ODF2: variants seen among roughly 807,000 people sequenced by gnomAD.
ODF2 encodes outer dense fiber of sperm tails 2.
Under a neutral mutation model 110.2 loss-of-function variants are expected in ODF2, and 47 were observed. The observed-to-expected ratio is 0.43, with a 90% CI of 0.34 to 0.54. ODF2 has a LOEUF of 0.54. Among genes scored for constraint, ODF2 ranks in the 20% least tolerant of loss-of-function variants. ODF2 has a pLI of 0.03. For synonymous variants in ODF2, 352 were observed against 397.7 expected (o/e 0.89, Z 1.37); for missense variants, 812 against 1,054.5 (o/e 0.77, Z 3.19).
intron 8 of ODF2, among the ~76,000 whole-genome samples, chr9:128,480,003 T>C (rs1231396082): frequency 2.0e-5 from 3 of 152,136 alleles, no homozygotes; most frequent in Non-Finnish European, 2.9e-5. Context: ...ACACCTGTGG[T>C]CCCAGCTACT....
At chr9:128,473,566 C>T in intron 7 of ODF2, 44 bp from the exon 8 acceptor site, 2 of 1,608,654 alleles carry the variant, frequency 1.2e-6, no homozygotes, top group Non-Finnish European at 1.7e-6. Flanking sequence ...CCTGCTTCTT[C>T]CCTTCTCCCC....
Position 128,485,401 on chromosome 9 carries a change from T to A in ODF2, c.1327T>A (p.Ser443Thr). 6.2e-7 allele frequency: 1 copy of A among 1,611,660 alleles called. No individual in the cohort carries two copies. The highest frequency in any genetic ancestry group is 1.1e-5 in the South Asian group (1 of 90,916). ...CGCTGAAGCTTTATCCACTCTGGAATCCTGGAGGAGCCGCTACAACCAAGT... is the reference window on the plus strand; with the variant it reads ...CGCTGAAGCTTTATCCACTCTGGAAACCTGGAGGAGCCGCTACAACCAAGT... Residue 443 changes from serine (S) to threonine (T), a missense_variant, in exon 13 of 21, where the codon TCC becomes ACC. Transcript: ENST00000604420. This position sits in a 1 kb window ranked among gnomAD's most constrained non-coding sequence, Gnocchi z 5.0.
At chr9:128,481,059 T>G (rs1842303685) in intron 8 of ODF2, among the ~76,000 whole-genome samples, 1 of 152,120 alleles carries the variant, frequency 6.6e-6, no homozygotes, top group Non-Finnish European at 1.5e-5. Context: ...GGAAGGATAC[T>G]CCTCAAACTA....
At chr9:128,495,272 C>T (rs2132275730) in intron 17 of ODF2, among the ~76,000 whole-genome samples, 1 of 152,342 alleles carries the variant, frequency 6.6e-6, no homozygotes, top group South Asian at 2.1e-4. Flanking sequence ...TTTTGAGCAC[C>T]TCTTCTGTGT....
At chr9:128,490,229 G>A (rs1480275650) in intron 14 of ODF2, among the ~76,000 whole-genome samples, 1 of 152,062 alleles carries the variant, frequency 6.6e-6, no homozygotes, top group East Asian at 1.9e-4. Context: ...CATCTGTATA[G>A]TGTATTACAG....
At chr9:128,499,173 A>G in intron 20 of ODF2, 47 bp downstream of exon 20, 2 of 1,610,804 alleles carry the variant, frequency 1.2e-6, no homozygotes, top group Non-Finnish European at 1.7e-6. Flanking sequence ...CAGCAGACCT[A>G]GCTTCTGTGG....
intron 11 of ODF2, 22 bp from the exon 12 acceptor site, chr9:128,484,679 T>G (rs895705793): frequency 6.4e-7 from 1 of 1,552,214 alleles, no homozygotes; most frequent in Non-Finnish European, 8.7e-7. Flanking sequence ...TCCCTCTCTT[T>G]CTCACCCCTT....
chr9:128,456,717 C>T, intron 1 of ODF2: 2 of 1,364,792 alleles, frequency 1.5e-6, no homozygotes, highest in Non-Finnish European at 1.9e-6. Flanking sequence ...GCAGCGCTGT[C>T]CCCCGGGCAC....
exon 6 of ODF2, chr9:128,471,347 T>C (rs756475500): frequency 6.8e-6 from 11 of 1,611,154 alleles, no homozygotes; most frequent in Non-Finnish European, 9.3e-6. Flanking sequence ...GGCCAAAAGG[T>C]TCCTGGAGGA....
At chr9:128,463,875 C>T (rs1050886530) in intron 4 of ODF2, among the ~76,000 whole-genome samples, 2 of 151,504 alleles carry the variant, frequency 1.3e-5, no homozygotes, top group African/African-American at 4.9e-5. Context: ...GAAAGAGTCT[C>T]GTTTTGTCAC....
intron 14 of ODF2, among the ~76,000 whole-genome samples, chr9:128,491,774 C>G (rs115149570): frequency 6.6e-6 from 1 of 151,662 alleles, no homozygotes; most frequent in South Asian, 2.1e-4. Flanking sequence ...TTCTTTTTGA[C>G]AGAAACGAAA....
intron 4 of ODF2, among the ~76,000 whole-genome samples, chr9:128,465,997 TG>T (rs1428327453): frequency 6.6e-6 from 1 of 150,872 alleles, no homozygotes; most frequent in East Asian, 2.0e-4. Flanking sequence ...AAAATTACCC[TG>T]GCGTGGTGGT....
exon 14 of ODF2, chr9:128,487,965 G>A (rs1241555765): frequency 6.2e-7 from 1 of 1,614,052 alleles, no homozygotes; most frequent in East Asian, 2.2e-5. Flanking sequence ...GCCTGGTGGA[G>A]AGACTACACC....
At chr9:128,457,101 G>T in intron 1 of ODF2, 1 of 1,384,806 alleles carries the variant, frequency 7.2e-7, no homozygotes, top group South Asian at 1.3e-5. Context: ...ACCCGGGCGC[G>T]GTGGTCCTTT....
chr9:128,465,739 CAAAA>C (rs34262754), intron 4 of ODF2, among the ~76,000 whole-genome samples: 2 of 70,454 alleles, frequency 2.8e-5, no homozygotes, highest in African/African-American at 4.6e-5. Flanking sequence ...GACTCCGTCT[CAAAA>C]AAAAAAAAAA....
intron 13 of ODF2, among the ~76,000 whole-genome samples, chr9:128,487,260 A>G (rs1321225299): frequency 6.6e-6 from 1 of 152,156 alleles, no homozygotes; most frequent in Non-Finnish European, 1.5e-5. Flanking sequence ...ACTTCTCTTA[A>G]TAAGTCATTG....
At chr9:128,471,568 GGCACTGT>G in intron 6 of ODF2, 100 bp downstream of exon 6, 1 of 1,153,104 alleles carries the variant, frequency 8.7e-7, no homozygotes, top group Non-Finnish European at 1.2e-6. Flanking sequence ...GGTGGGCACA[GGCACTGT>G]GCCTGTGCCC....
At position 128,494,920 on chromosome 9, in the gene ODF2, C is replaced by T. The variant is rs796484101; in HGVS notation, c.1911+252C>T. ...CTGGGCCCTCCTGCTGTTGCCCCCA[C>T]CCAAGACTGCTGCCTCTGCCTGTGT... On this transcript the variant is annotated intron_variant, in intron 17 of 20. Coordinates refer to ENST00000604420, the Ensembl canonical transcript of ODF2. This position sits in a 1 kb window ranked among gnomAD's most constrained non-coding sequence, Gnocchi z 4.6. The T allele has an allele frequency of 4.5e-5, 54 of 1,212,310 alleles. No individual in the cohort carries two copies. In the African/African-American group the frequency reaches 6.8e-4, roughly 15 times the overall value. 75.1% of individuals were successfully genotyped at this position (1,212,310 alleles called of 1,614,324 possible).
chr9:128,457,138 C>G, intron 1 of ODF2: 1 of 1,465,396 alleles, frequency 6.8e-7, no homozygotes, highest in Non-Finnish European at 9.1e-7. Context: ...CCGTCCCCTC[C>G]CCTTCCTCCC....
Sources: allele counts gnomAD v4.1 joint callset (sites outside exome capture counted in the v4.1 genomes callset), GRCh38; gene constraint gnomAD v4.1.1; non-coding constraint Gnocchi (gnomAD v3.1); transcripts MANE v1.5; gene names NCBI Gene and HGNC (gene_info 2026-07-23, HGNC 2026-07-21).